The following GRM5 variants were observed in gnomAD, a reference collection of about 807,000 sequenced individuals.
GRM5 encodes glutamate metabotropic receptor 5, also known as metabotropic glutamate receptor 5.
Under a neutral mutation model 83.1 loss-of-function variants are expected in GRM5, and 19 were observed. The observed-to-expected ratio is 0.23, with a 90% CI of 0.16 to 0.34. The LOEUF is 0.34. GRM5 is among the 10% of genes least tolerant of loss of function. The pLI is 1.00. For synonymous variants in GRM5, 675 were observed against 633.6 expected (o/e 1.07, Z -0.98); for missense variants, 1,160 against 1,588.3 (o/e 0.73, Z 4.58).
intron 3 of GRM5, among the ~76,000 whole-genome samples, chr11:88,748,370 G>T (rs1459013539): frequency 2.0e-5 from 3 of 152,102 alleles, no homozygotes; most frequent in Non-Finnish European, 2.9e-5. Context: ...CTACTTCCAT[G>T]TCACCTCACA....
intron 7 of GRM5, among the ~76,000 whole-genome samples, chr11:88,578,608 G>A (rs1040196861): frequency 1.1e-4 from 16 of 152,186 alleles, no homozygotes; most frequent in African/African-American, 3.6e-4. Flanking sequence ...TCCACTAAGA[G>A]AGGGGCTTTC....
intron 8 of GRM5, among the ~76,000 whole-genome samples, chr11:88,555,965 A>G (rs1197545513): frequency 6.6e-6 from 1 of 152,148 alleles, no homozygotes; most frequent in Non-Finnish European, 1.5e-5. Context: ...GCACTGCCAA[A>G]CCACAACAGG....
chr11:88,522,569 T>TTTCTC (rs1555059400), intron 9 of GRM5, among the ~76,000 whole-genome samples: 4 of 138,984 alleles, frequency 2.9e-5, no homozygotes, highest in Non-Finnish European at 6.3e-5. Flanking sequence ...CAGGTCTCTC[T>TTTCTC]TCTCTCTCTC....
intron 4 of GRM5, among the ~76,000 whole-genome samples, chr11:88,638,629 T>C (rs373535606): frequency 6.6e-5 from 10 of 152,152 alleles, no homozygotes; most frequent in East Asian, 5.8e-4. Context: ...GTTTTCTTTG[T>C]GGGAAAATTT....
intron 2 of GRM5, among the ~76,000 whole-genome samples, chr11:88,897,393 T>C (rs1037527662): frequency 3.3e-5 from 5 of 151,936 alleles, no homozygotes; most frequent in African/African-American, 1.2e-4. Context: ...AAATTCATAA[T>C]GAAACGTTTT....
At chr11:88,814,761 C>A (rs893484417) in intron 3 of GRM5, among the ~76,000 whole-genome samples, 3 of 151,960 alleles carry the variant, frequency 2.0e-5, no homozygotes, top group Non-Finnish European at 4.4e-5. Flanking sequence ...AACAAGCTAT[C>A]AGGCATACAG....
intron 2 of GRM5, among the ~76,000 whole-genome samples, chr11:88,940,304 C>G (rs1001209450): frequency 1.3e-5 from 2 of 150,244 alleles, no homozygotes; most frequent in African/African-American, 4.9e-5. Context: ...TGATCTCATC[C>G]CAGGTTCATG....
intron 2 of GRM5, among the ~76,000 whole-genome samples, chr11:88,975,952 C>A (rs1939322752): frequency 6.6e-6 from 1 of 152,160 alleles, no homozygotes. Context: ...TATAATGTGC[C>A]TAGCTTCCAT....
Position 88,965,909 on chromosome 11 carries a change from C to T in GRM5, c.661+81303G>A, listed in dbSNP as rs544952801. ...ATTAGCTACTACTTGATCTAAGTGA[C>T]ATTTTATGCAATAGTTTACTGAAGA... On this transcript the variant is annotated intron_variant, in intron 2 of 9. Coordinates refer to ENST00000305447, the MANE Select transcript of GRM5 (RefSeq NM_001143831.3). 2.6e-5 allele frequency among the ~76,000 whole-genome samples: 4 copies of T among 152,208 alleles called. No individual in the cohort carries two copies. The East Asian group carries it at 7.7e-4, about 29-fold the overall frequency.
At chr11:89,051,081 C>T (rs1481796568) in intron 1 of GRM5, among the ~76,000 whole-genome samples, 3 of 151,510 alleles carry the variant, frequency 2.0e-5, no homozygotes, top group Admixed American at 1.3e-4. Context: ...TGCACATGTG[C>T]CCCTGAATTT....
intron 4 of GRM5, among the ~76,000 whole-genome samples, chr11:88,643,761 AT>A (rs62678060): frequency 0.83 from 126,087 of 151,960 alleles, 54,711 homozygotes; most frequent in Non-Finnish European, 0.97. Flanking sequence ...CTTTCAGTAG[AT>A]TTTTTTTTAT....
chr11:88,964,614 G>A (rs1938889632), intron 2 of GRM5, among the ~76,000 whole-genome samples: 1 of 152,042 alleles, frequency 6.6e-6, no homozygotes, highest in Non-Finnish European at 1.5e-5. Flanking sequence ...ATTATTGACT[G>A]ACAACAAAGC....
At chr11:88,765,770 G>T (rs1040106284) in intron 3 of GRM5, among the ~76,000 whole-genome samples, 1 of 151,716 alleles carries the variant, frequency 6.6e-6, no homozygotes, top group Non-Finnish European at 1.5e-5. Context: ...ATGCTTCATG[G>T]CATTGTATTT....
chr11:89,051,247 C>G (rs1045235597), intron 1 of GRM5, among the ~76,000 whole-genome samples: 1 of 150,908 alleles, frequency 6.6e-6, no homozygotes, highest in African/African-American at 2.4e-5. Context: ...CAGAGAGACT[C>G]CGTCTCACAA....
At chr11:88,824,433 G>A (rs1481690519) in intron 3 of GRM5, among the ~76,000 whole-genome samples, 1 of 152,146 alleles carries the variant, frequency 6.6e-6, no homozygotes, top group African/African-American at 2.4e-5. Flanking sequence ...GGCTTATTTA[G>A]AAAGCTGTAA....
At chr11:88,912,550 G>A (rs544511330) in intron 2 of GRM5, among the ~76,000 whole-genome samples, 2 of 146,996 alleles carry the variant, frequency 1.4e-5, no homozygotes, top group Non-Finnish European at 3.0e-5. Context: ...TTGGTGGGAG[G>A]GGGGAGGGCT....
intron 3 of GRM5, among the ~76,000 whole-genome samples, chr11:88,664,322 T>TA (rs928785702): frequency 1.4e-5 from 1 of 72,956 alleles, no homozygotes; most frequent in African/African-American, 3.8e-5. Flanking sequence ...AACCCAGATT[T>TA]AAAAAAAACT....
intron 4 of GRM5, among the ~76,000 whole-genome samples, chr11:88,632,313 C>T (rs1243652655): frequency 7.4e-6 from 1 of 135,178 alleles, no homozygotes; most frequent in South Asian, 2.4e-4. Context: ...GTGGTGCAAT[C>T]CTAGCTCACT....
At chr11:88,995,968 A>G (rs1486218775) in intron 2 of GRM5, among the ~76,000 whole-genome samples, 4 of 152,138 alleles carry the variant, frequency 2.6e-5, no homozygotes, top group Non-Finnish European at 5.9e-5. Context: ...AGAAATGGTC[A>G]TCAAAACCAT....
Sources: gnomAD v4.1 joint callset for allele counts (sites outside exome capture counted in the v4.1 genomes callset) on GRCh38, gnomAD v4.1.1 for gene constraint, MANE v1.5 for transcripts, NCBI Gene and HGNC (gene_info 2026-07-23, HGNC 2026-07-21) for gene names.